The following NPFFR2 variants were observed in gnomAD, a reference collection of about 807,000 sequenced individuals.
NPFFR2 encodes the protein neuropeptide FF receptor 2, also known as G-protein coupled receptor 74.
NPFFR2 carries 15 observed loss-of-function variants against 13.1 expected under a neutral mutation model. The observed-to-expected ratio is 1.15, with a 90% CI of 0.77 to 1.76. The LOEUF is 1.76. Ranked by LOEUF, NPFFR2 falls within the 40% of genes most tolerant of loss-of-function variation. NPFFR2 has a pLI of 0.00. For synonymous variants in NPFFR2, 190 were observed against 175.7 expected (o/e 1.08, Z -0.65); for missense variants, 572 against 503.5 (o/e 1.14, Z -1.30).
intron 1 of NPFFR2, among the ~76,000 whole-genome samples, chr4:72,109,972 A>AGCAATTAAC (rs1430206053): frequency 6.6e-6 from 1 of 152,002 alleles, no homozygotes; most frequent in Non-Finnish European, 1.5e-5. Flanking sequence ...CAGAACATGC[A>AGCAATTAAC]GCAATTAACC....
chr4:72,136,298 G>A (rs1722409543), intron 2 of NPFFR2, among the ~76,000 whole-genome samples: 1 of 152,042 alleles, frequency 6.6e-6, no homozygotes, highest in Non-Finnish European at 1.5e-5. Flanking sequence ...CACAGTGGTG[G>A]TAGGAGCAGA....
In NPFFR2 at chr4:72,147,251, C is replaced by G; in HGVS notation, c.702C>G (p.Leu234=). Reference sequence around the variant, plus strand: ...ACATCTACCTGGCTCCCCTCTCCCTCATTGTCATCATGTATGGAAGGATTG... The same window carrying G: ...ACATCTACCTGGCTCCCCTCTCCCTGATTGTCATCATGTATGGAAGGATTG... ...FANIYLAPLS[L]IVIMYGRIGI... Residue 234 remains leucine (L), a synonymous_variant, in exon 4 of 4, where the codon CTC becomes CTG. Coordinates refer to ENST00000308744, the MANE Select transcript of NPFFR2 (RefSeq NM_004885.3). The G allele has an allele frequency of 6.2e-7, 1 of 1,614,188 alleles. No individual in the cohort carries two copies. Among genetic ancestry groups the G allele is most frequent in the Non-Finnish European group, 8.5e-7 (1 of 1,180,032 alleles).
At position 72,096,529 on chromosome 4, in the gene NPFFR2, A is replaced by G. The variant is rs113615939; in HGVS notation, c.-7-32056A>G. On this transcript the variant is annotated intron_variant, in intron 1 of 3. Coordinates refer to ENST00000308744, the MANE Select transcript of NPFFR2 (RefSeq NM_004885.3). Reference sequence around the variant, plus strand: ...TAACTGTATATTGTTAAATATATATATACAATTTTGAGGAGAACACCTATC... The same window carrying G: ...TAACTGTATATTGTTAAATATATATGTACAATTTTGAGGAGAACACCTATC... 5.2e-3 allele frequency among the ~76,000 whole-genome samples: 787 copies of G among 152,266 alleles called. 3 individuals are homozygous for G. Among genetic ancestry groups the G allele is most frequent in the African/African-American group, 0.018 (750 of 41,576 alleles).
intron 1 of NPFFR2, among the ~76,000 whole-genome samples, chr4:72,060,481 G>A (rs754856289): frequency 1.3e-5 from 2 of 151,848 alleles, no homozygotes; most frequent in African/African-American, 2.4e-5. Flanking sequence ...AAGTTCTCTG[G>A]GCCCTCCTAG....
At chr4:72,043,863 T>G (rs1003159592) in intron 1 of NPFFR2, among the ~76,000 whole-genome samples, 1 of 152,174 alleles carries the variant, frequency 6.6e-6, no homozygotes, top group Non-Finnish European at 1.5e-5. Flanking sequence ...GTGTTATGAA[T>G]TGTGAGGACA....
chr4:72,043,660 A>T (rs1374529624), intron 1 of NPFFR2, among the ~76,000 whole-genome samples: 4 of 152,220 alleles, frequency 2.6e-5, no homozygotes, highest in African/African-American at 9.6e-5. Flanking sequence ...TCACTAATTT[A>T]TCCCATGTGA....
chr4:72,064,602 CATAG>C (rs1210903796), intron 1 of NPFFR2, among the ~76,000 whole-genome samples: 1 of 152,054 alleles, frequency 6.6e-6, no homozygotes, highest in Non-Finnish European at 1.5e-5. Context: ...AAAGCAAGGA[CATAG>C]ATAGTAGGAG....
rs777531960 is a variant in NPFFR2 at position 72,147,389 on chromosome 4, C to T, written c.840C>T (p.Ala280=). The change falls in exon 4 of 4, where the codon GCC becomes GCT. Residue 280 remains alanine, a synonymous_variant. Coordinates refer to ENST00000308744, the MANE Select transcript of NPFFR2 (RefSeq NM_004885.3). ...TCATTAAGATGCTCCTGATTGTGGC[C>T]CTGCTTTTTATTCTCTCATGGCTGC... ...QKIIKMLLIV[A]LLFILSWLPL... 18 of 1,613,940 alleles carry T rather than the reference C, an allele frequency of 1.1e-5. No homozygotes were observed. Among genetic ancestry groups the T allele is most frequent in the Non-Finnish European group, 1.4e-5 (17 of 1,180,032 alleles).
intron 2 of NPFFR2, among the ~76,000 whole-genome samples, chr4:72,130,521 G>A (rs1055604717): frequency 6.6e-6 from 1 of 152,086 alleles, no homozygotes; most frequent in African/African-American, 2.4e-5. Flanking sequence ...GCATAGATCT[G>A]AGTTTTTGTG....
At chr4:72,089,838 A>T (rs530764090) in intron 1 of NPFFR2, among the ~76,000 whole-genome samples, 1 of 151,812 alleles carries the variant, frequency 6.6e-6, no homozygotes, top group South Asian at 2.1e-4. Context: ...AGTCCTATCT[A>T]TTTATCTTTG....
intron 1 of NPFFR2, among the ~76,000 whole-genome samples, chr4:72,115,324 C>G (rs939009058): frequency 7.9e-5 from 12 of 152,196 alleles, no homozygotes; most frequent in African/African-American, 2.9e-4. Context: ...GTATCCCTAA[C>G]ACTGTATGAA....
At chr4:72,096,814 A>G (rs1721087701) in intron 1 of NPFFR2, among the ~76,000 whole-genome samples, 2 of 152,078 alleles carry the variant, frequency 1.3e-5, no homozygotes, top group Admixed American at 1.3e-4. Flanking sequence ...GAAATCATCA[A>G]AAGTCTAAAA....
chr4:72,039,796 A>G (rs1018710528), intron 1 of NPFFR2, among the ~76,000 whole-genome samples: 1 of 152,168 alleles, frequency 6.6e-6, no homozygotes, highest in Non-Finnish European at 1.5e-5. Flanking sequence ...TTCAATTTTA[A>G]TGTATGTTGC....
intron 1 of NPFFR2, among the ~76,000 whole-genome samples, chr4:72,099,580 G>A (rs907737482): frequency 1.3e-5 from 2 of 152,002 alleles, no homozygotes; most frequent in Non-Finnish European, 2.9e-5. Flanking sequence ...GCAAGAGAGA[G>A]GGGGAGGAGG....
At chr4:72,139,120 G>A (rs1315496303) in intron 3 of NPFFR2, among the ~76,000 whole-genome samples, 4 of 150,250 alleles carry the variant, frequency 2.7e-5, no homozygotes, top group African/African-American at 1.0e-4. Flanking sequence ...TTTTTTTCTT[G>A]TAAATTTGTT....
intron 2 of NPFFR2, among the ~76,000 whole-genome samples, chr4:72,129,446 A>C (rs1722170365): frequency 1.8e-5 from 2 of 110,786 alleles, no homozygotes; most frequent in Admixed American, 2.0e-4. Context: ...TCAGGGTCAC[A>C]AGACAATTGT....
At chr4:72,127,289 G>A (rs545163047) in intron 1 of NPFFR2, among the ~76,000 whole-genome samples, 2 of 72,218 alleles carry the variant, frequency 2.8e-5, no homozygotes, top group East Asian at 4.5e-4. Context: ...GGGTGACAGA[G>A]CTAGACTCCA....
intron 1 of NPFFR2, among the ~76,000 whole-genome samples, chr4:72,117,828 A>T (rs1721755563): frequency 1.3e-5 from 2 of 152,208 alleles, no homozygotes; most frequent in African/African-American, 4.8e-5. Context: ...CCTTGAGATA[A>T]CTTTCTGAAG....
At chr4:72,068,006 T>C (rs1720124676) in intron 1 of NPFFR2, among the ~76,000 whole-genome samples, 1 of 152,184 alleles carries the variant, frequency 6.6e-6, no homozygotes, top group Non-Finnish European at 1.5e-5. Context: ...ACTCCATTCA[T>C]GGCAATACAG....
Sources: gnomAD v4.1 joint callset for allele counts (sites outside exome capture counted in the v4.1 genomes callset) on GRCh38, gnomAD v4.1.1 for gene constraint, MANE v1.5 for transcripts, NCBI Gene and HGNC (gene_info 2026-07-23, HGNC 2026-07-21) for gene names.